Variants in CDH22 observed in about 807,000 individuals in gnomAD.
CDH22 encodes cadherin 22.
CDH22 carries 30 observed loss-of-function variants against 58.4 expected under a neutral mutation model. That is an observed-to-expected ratio of 0.51 (90% CI 0.38 to 0.70). CDH22 has a LOEUF of 0.70. Among genes scored for constraint, CDH22 ranks in the 30% least tolerant of loss-of-function variants. The pLI is 0.00. For missense variants in CDH22, 1,014 were observed against 1,233.9 expected (o/e 0.82, Z 2.67); for synonymous variants, 513 against 558.2 (o/e 0.92, Z 1.14).
chr20:46,210,620 A>T lies in CDH22; in HGVS notation c.1033-60T>A. ...GGGTCTGGTGGACACTGAGGCCTTC[A>T]CGAGGGAGGCCAAGGCAGGCGGGGT... On this transcript the variant is annotated intron_variant, in intron 6 of 11. Transcript: ENST00000537909. The surrounding 1 kb of genome is among the most constrained non-coding windows in gnomAD (Gnocchi z 4.5). The T allele has an allele frequency of 7.2e-7, 1 of 1,379,894 alleles. No individual in the cohort carries two copies. Among genetic ancestry groups the T allele is most frequent in the Non-Finnish European group, 9.5e-7 (1 of 1,056,420 alleles). The allele number at this position is 1,379,894 out of a possible 1,614,324, so 85.5% of individuals were successfully genotyped here.
intron 1 of CDH22, among the ~76,000 whole-genome samples, chr20:46,288,499 G>C (rs2086585992): frequency 6.6e-6 from 1 of 152,166 alleles, no homozygotes; most frequent in Non-Finnish European, 1.5e-5. Context: ...CAACTCAGAT[G>C]TCTGCCCAAA....
chr20:46,184,889 C>T (rs1176487249), intron 10 of CDH22, among the ~76,000 whole-genome samples: 1 of 152,062 alleles, frequency 6.6e-6, no homozygotes, highest in Non-Finnish European at 1.5e-5. Context: ...AGTTCGAGAC[C>T]AGCCTGGCCA....
chr20:46,181,438 G>A (rs1003667213), intron 10 of CDH22, among the ~76,000 whole-genome samples: 3 of 152,058 alleles, frequency 2.0e-5, no homozygotes, highest in East Asian at 3.9e-4. Context: ...TCAGGGACCC[G>A]GGACACTCAG....
chr20:46,180,926 T>TG (rs2085779616), intron 10 of CDH22, among the ~76,000 whole-genome samples: 1 of 142,494 alleles, frequency 7.0e-6, no homozygotes, highest in Admixed American at 7.0e-5. Context: ...AAAGTTTGTT[T>TG]TGTGTGTGTG....
At chr20:46,182,668 C>T (rs1568650222) in intron 10 of CDH22, among the ~76,000 whole-genome samples, 1 of 152,226 alleles carries the variant, frequency 6.6e-6, no homozygotes, top group Non-Finnish European at 1.5e-5. Context: ...CTGGCCACCC[C>T]GGTCCCCTAC....
chr20:46,250,909 C>A, intron 2 of CDH22, 131 bp downstream of exon 2: 1 of 608,358 alleles, frequency 1.6e-6, no homozygotes, highest in South Asian at 2.1e-5. Flanking sequence ...CCTTATCAGT[C>A]CTTGGCTAGG....
At chr20:46,288,834 C>T (rs1255256507) in intron 1 of CDH22, among the ~76,000 whole-genome samples, 2 of 152,168 alleles carry the variant, frequency 1.3e-5, no homozygotes, top group Non-Finnish European at 2.9e-5. Flanking sequence ...CAGCCTGGTC[C>T]GGCCACCATC....
Position 46,210,326 on chromosome 20 carries a change from C to T in CDH22, c.1267G>A (p.Ala423Thr). The change falls in exon 7 of 12, where the codon GCC (alanine) becomes ACC (threonine). Residue 423 changes from alanine (A) to threonine (T), a missense_variant. Ala to Thr is a moderately conservative substitution (Grantham distance 58). Coordinates refer to ENST00000537909, the MANE Select transcript of CDH22 (RefSeq NM_021248.3). The surrounding 1 kb of genome is among the most constrained non-coding windows in gnomAD (Gnocchi z 4.5). ...TCTCACCGGACGGGCCGGTTGGCGG[C>T]GTCGGGGTCCCGCGCCGTCACCACG... Reference protein sequence around the residue: ...VGVVTARDPDAANRPVRYAID... With the variant: ...VGVVTARDPDTANRPVRYAID... 1 of 1,451,314 alleles carries T rather than the reference C, an allele frequency of 6.9e-7. No homozygotes were observed. Among genetic ancestry groups the T allele is most frequent in the Non-Finnish European group, 9.0e-7 (1 of 1,107,000 alleles). 89.9% of individuals were successfully genotyped at this position (1,451,314 alleles called of 1,614,324 possible). A position where few individuals can be genotyped will look rare whatever the true frequency, so the allele number is the denominator to read the frequency against.
At chr20:46,213,438 CA>C (rs1741785794) in intron 5 of CDH22, among the ~76,000 whole-genome samples, 2 of 152,190 alleles carry the variant, frequency 1.3e-5, no homozygotes, top group Admixed American at 1.3e-4. Flanking sequence ...AAAATGCCTG[CA>C]GTTCTTTGGG....
At chr20:46,295,080 GC>G (rs150956376) in intron 1 of CDH22, among the ~76,000 whole-genome samples, 3,129 of 152,290 alleles carry the variant, frequency 0.021, 121 homozygotes, top group African/African-American at 0.071. Flanking sequence ...GAACAGGCAT[GC>G]GAGGAGCCTC....
At chr20:46,224,254 C>T (rs537953021) in intron 4 of CDH22, among the ~76,000 whole-genome samples, 1 of 152,334 alleles carries the variant, frequency 6.6e-6, no homozygotes, top group South Asian at 2.1e-4. Flanking sequence ...CTTCTATATT[C>T]TCTACTTCAA....
chr20:46,221,080 G>A (rs1005334103), intron 4 of CDH22, among the ~76,000 whole-genome samples: 3 of 152,134 alleles, frequency 2.0e-5, no homozygotes, highest in African/African-American at 7.2e-5. Flanking sequence ...GTACTGTGAA[G>A]AAGCCCAGGA....
At chr20:46,267,111 C>T (rs1023373269) in intron 1 of CDH22, among the ~76,000 whole-genome samples, 14 of 151,978 alleles carry the variant, frequency 9.2e-5, no homozygotes, top group African/African-American at 1.7e-4. Flanking sequence ...ACTGGAGCAC[C>T]GAGAGGTGAA....
intron 2 of CDH22, among the ~76,000 whole-genome samples, chr20:46,245,101 A>G (rs921633605): frequency 2.6e-5 from 4 of 152,178 alleles, no homozygotes; most frequent in Non-Finnish European, 4.4e-5. Flanking sequence ...TAGGTGCTCA[A>G]TATAGATTAG....
intron 1 of CDH22, among the ~76,000 whole-genome samples, chr20:46,303,247 TG>T (rs2086660056): frequency 6.6e-6 from 1 of 152,206 alleles, no homozygotes; most frequent in Non-Finnish European, 1.5e-5. Flanking sequence ...TCCCTCCCCT[TG>T]GGGCCTTGGT....
At chr20:46,247,439 G>A (rs2086338574) in intron 2 of CDH22, among the ~76,000 whole-genome samples, 1 of 152,144 alleles carries the variant, frequency 6.6e-6, no homozygotes, top group African/African-American at 2.4e-5. Context: ...AATTGGGTCT[G>A]TACTGAATGT....
At chr20:46,211,819 C>G (rs1295760613) in intron 6 of CDH22, among the ~76,000 whole-genome samples, 2 of 151,846 alleles carry the variant, frequency 1.3e-5, no homozygotes, top group Non-Finnish European at 2.9e-5. Flanking sequence ...GATTCTAGAG[C>G]TGGACCCCCT....
rs1296286230 is a variant in CDH22 at position 46,174,676 on chromosome 20, A to AGGTCTGGAAGGCGTC, written c.2302_2316dup (p.Asp768_Thr772dup). On this transcript the variant is annotated inframe_insertion, in exon 12 of 12. Coordinates refer to ENST00000537909, the MANE Select transcript of CDH22 (RefSeq NM_021248.3). This position sits in a 1 kb window ranked among gnomAD's most constrained non-coding sequence, Gnocchi z 4.4. ...GGCGAGTCCGCGCCCTCGAAGGCGT[A>AGGTCTGGAAGGCGTC]GGTCTGGAAGGCGTCGTAGGGCGGC... 1 of 1,560,186 alleles carries AGGTCTGGAAGGCGTC rather than the reference A, an allele frequency of 6.4e-7. No individual in the cohort carries two copies. Among genetic ancestry groups the AGGTCTGGAAGGCGTC allele is most frequent in the African/African-American group, 1.3e-5 (1 of 74,174 alleles).
chr20:46,230,092 C>T (rs1347189136), intron 3 of CDH22, among the ~76,000 whole-genome samples: 2 of 152,176 alleles, frequency 1.3e-5, no homozygotes, highest in Non-Finnish European at 2.9e-5. Flanking sequence ...TTGGGCCACA[C>T]ACCCCCTCCC....
Sources: allele counts gnomAD v4.1 joint callset (sites outside exome capture counted in the v4.1 genomes callset), GRCh38; gene constraint gnomAD v4.1.1; non-coding constraint Gnocchi (gnomAD v3.1); transcripts MANE v1.5; gene names NCBI Gene and HGNC (gene_info 2026-07-23, HGNC 2026-07-21).